Variants in PDHX observed in about 807,000 individuals in gnomAD.
The protein encoded by PDHX is pyruvate dehydrogenase protein X component, mitochondrial.
In PDHX, 33 loss-of-function variants were observed where a neutral mutation model predicts 55.3. The observed-to-expected ratio is 0.60, with a 90% CI of 0.45 to 0.80. PDHX has a LOEUF of 0.80. Among genes scored for constraint, PDHX ranks in the 30% least tolerant of loss-of-function variants. PDHX has a pLI of 0.00. For missense variants in PDHX, 622 were observed against 619.9 expected, an observed-to-expected ratio of 1.00 and a Z score of -0.04; for synonymous variants, 226 against 219.4, an observed-to-expected ratio of 1.03 and a Z score of -0.27.
chr11:34,921,766 G>A (rs555142018), intron 1 of PDHX, among the ~76,000 whole-genome samples: 1 of 152,212 alleles, frequency 6.6e-6, no homozygotes, highest in South Asian at 2.1e-4. Flanking sequence ...GCAACAGGAG[G>A]GACTAAGAAG....
At chr11:34,924,882 T>C (rs1317982309) in intron 1 of PDHX, among the ~76,000 whole-genome samples, 1 of 152,186 alleles carries the variant, frequency 6.6e-6, no homozygotes, top group Non-Finnish European at 1.5e-5. Context: ...CATCTCTCTG[T>C]TTCTATTTTA....
At chr11:34,939,658 T>G (rs983467620) in intron 2 of PDHX, among the ~76,000 whole-genome samples, 1 of 152,206 alleles carries the variant, frequency 6.6e-6, no homozygotes, top group African/African-American at 2.4e-5. Context: ...GTACGGAATA[T>G]CCTGGATTTA....
chr11:34,923,938 T>A (rs902185033), intron 1 of PDHX, among the ~76,000 whole-genome samples: 1 of 152,194 alleles, frequency 6.6e-6, no homozygotes, highest in African/African-American at 2.4e-5. Flanking sequence ...CAAGAATTAG[T>A]GTACTTTAGT....
intron 3 of PDHX, among the ~76,000 whole-genome samples, chr11:34,948,877 G>C (rs1388231056): frequency 6.6e-6 from 1 of 152,138 alleles, no homozygotes; most frequent in Non-Finnish European, 1.5e-5. Flanking sequence ...GTGTGCTTTT[G>C]GCAAACTGTG....
chr11:34,963,362 T>G (rs1289997619), intron 5 of PDHX, among the ~76,000 whole-genome samples: 1 of 152,148 alleles, frequency 6.6e-6, no homozygotes, highest in Non-Finnish European at 1.5e-5. Flanking sequence ...CACTGCAGCT[T>G]TGAACTCCTA....
chr11:34,931,357 A>G (rs780909746), intron 1 of PDHX, 47 bp from the exon 2 acceptor site: 1 of 962,460 alleles, frequency 1.0e-6, no homozygotes, highest in Non-Finnish European at 1.7e-6. Context: ...ATGCCTCATG[A>G]GGTGCATTAT....
rs766421119 is a variant in PDHX, at chr11:34,916,648, C to T, written c.-8C>T. ...GTGCTGCGGGCAGCCAGTGAGAAGG[C>T]CGTCAAGATGGCGGCCTCCTGGAGG... On this transcript the variant is annotated 5_prime_UTR_variant, in exon 1 of 11. Coordinates refer to ENST00000227868, the MANE Select transcript of PDHX (RefSeq NM_003477.3). The T allele has an allele frequency of 3.1e-6, 5 of 1,607,028 alleles. No homozygotes were observed. Among genetic ancestry groups the T allele is most frequent in the South Asian group, 1.1e-5 (1 of 90,970 alleles).
chr11:34,974,898 A>G (rs1338697472), intron 7 of PDHX, among the ~76,000 whole-genome samples: 1 of 152,194 alleles, frequency 6.6e-6, no homozygotes, highest in Non-Finnish European at 1.5e-5. Flanking sequence ...ATAGAGCAAG[A>G]CCTGTCTCCA....
intron 2 of PDHX, among the ~76,000 whole-genome samples, chr11:34,933,946 G>T (rs1366154738): frequency 6.6e-6 from 1 of 152,078 alleles, no homozygotes; most frequent in Non-Finnish European, 1.5e-5. Flanking sequence ...ATAATAATTG[G>T]TTAGCTTTAG....
chr11:34,915,933 T>C (rs551228102), upstream of PDHX: 4 of 509,136 alleles, frequency 7.9e-6, no homozygotes, highest in South Asian at 5.4e-5. Context: ...TCCTGATAAA[T>C]ACCCGGTGAG....
intron 1 of PDHX, among the ~76,000 whole-genome samples, chr11:34,919,901 G>A (rs1048439473): frequency 6.6e-6 from 1 of 152,152 alleles, no homozygotes; most frequent in Non-Finnish European, 1.5e-5. Flanking sequence ...TTAGCTCCTG[G>A]ACATGCAATC....
At chr11:34,944,705 T>C (rs2133960105) in intron 2 of PDHX, among the ~76,000 whole-genome samples, 1 of 152,354 alleles carries the variant, frequency 6.6e-6, no homozygotes, top group East Asian at 1.9e-4. Context: ...CCTGTTAATA[T>C]TGCTATTCCA....
chr11:34,939,467 T>TGG (rs1854418529), intron 2 of PDHX, among the ~76,000 whole-genome samples: 1 of 80,684 alleles, frequency 1.2e-5, no homozygotes, highest in African/African-American at 5.4e-5. Flanking sequence ...CTTTTACTAA[T>TGG]GGTGTGTGTG....
chr11:34,992,479 AT>A, intron 10 of PDHX, 100 bp downstream of exon 10: 1 of 693,890 alleles, frequency 1.4e-6, no homozygotes, highest in Admixed American at 2.4e-5. Context: ...ATTTTTTAAA[AT>A]TTAAGCTAAA....
At chr11:34,957,323 A>G (rs1488937800) in intron 3 of PDHX, 61 bp from the exon 4 acceptor site, 2 of 1,147,362 alleles carry the variant, frequency 1.7e-6, no homozygotes, top group East Asian at 2.4e-5. Flanking sequence ...ACAAAAGAAC[A>G]AACTACTTAA....
At chr11:34,977,736 G>T (rs1408451553) in intron 7 of PDHX, 2 of 456,932 alleles carry the variant, frequency 4.4e-6, no homozygotes, top group Non-Finnish European at 8.8e-6. Context: ...GAACGAGGAA[G>T]AAAATGAATC....
At chr11:34,928,632 A>T (rs1427965952) in intron 1 of PDHX, among the ~76,000 whole-genome samples, 1 of 152,168 alleles carries the variant, frequency 6.6e-6, no homozygotes, top group Non-Finnish European at 1.5e-5. Context: ...AGTGTAGAGG[A>T]TTAGAAAGCT....
chr11:34,937,711 C>T (rs962771123), intron 2 of PDHX, among the ~76,000 whole-genome samples: 9 of 152,034 alleles, frequency 5.9e-5, no homozygotes, highest in African/African-American at 1.7e-4. Flanking sequence ...ATAAGAATGC[C>T]TACTCCCCTA....
chr11:34,935,290 A>G (rs1854282350), intron 2 of PDHX, among the ~76,000 whole-genome samples: 1 of 152,170 alleles, frequency 6.6e-6, no homozygotes, highest in Admixed American at 6.5e-5. Context: ...AATATTTGAT[A>G]CAATACCATC....
Sources: gnomAD v4.1 joint callset for allele counts (sites outside exome capture counted in the v4.1 genomes callset) on GRCh38, gnomAD v4.1.1 for gene constraint, MANE v1.5 for transcripts, NCBI Gene and HGNC (gene_info 2026-07-23, HGNC 2026-07-21) for gene names.